ELL: variants seen among roughly 807,000 people sequenced by gnomAD.
ELL encodes the protein elongation factor for RNA polymerase II.
ELL carries 18 observed loss-of-function variants against 64.0 expected under a neutral mutation model. The observed-to-expected ratio is 0.28, with a 90% CI of 0.19 to 0.42. The LOEUF is 0.42. ELL is among the 10% of genes least tolerant of loss of function. The pLI is 1.00. For missense variants in ELL, 797 were observed against 870.4 expected (o/e 0.92, Z 1.06); for synonymous variants, 399 against 376.2 (o/e 1.06, Z -0.70).
At chr19:18,521,800 G>A (rs1976285743) in intron 1 of ELL, 121 bp downstream of exon 1, 4 of 1,370,542 alleles carry the variant, frequency 2.9e-6, no homozygotes, top group Non-Finnish European at 2.8e-6. Flanking sequence ...GCCGGCCCAG[G>A]GACCCGCGAG....
At chr19:18,462,370 CGGG>C (rs869305278) in intron 4 of ELL, among the ~76,000 whole-genome samples, 1 of 23,090 alleles carries the variant, frequency 4.3e-5, no homozygotes, top group Non-Finnish European at 7.2e-5. Flanking sequence ...TGTGTTTGGG[CGGG>C]GGGCGGGGGG....
At chr19:18,507,630 C>T (rs1203501067) in intron 1 of ELL, among the ~76,000 whole-genome samples, 1 of 152,234 alleles carries the variant, frequency 6.6e-6, no homozygotes, top group African/African-American at 2.4e-5. Flanking sequence ...CACCTCCCCG[C>T]TGCGAAGAAG....
chr19:18,442,864 C>G lies in ELL; in HGVS notation c.*1888G>C. 1 of 191,338 alleles carries G rather than the reference C, an allele frequency of 5.2e-6. No individual in the cohort carries two copies. The highest frequency in any genetic ancestry group is 9.5e-6 in the Non-Finnish European group (1 of 104,960). The allele number at this position is 191,338 out of a possible 1,614,324, so 11.9% of individuals were successfully genotyped here. A position where few individuals can be genotyped will look rare whatever the true frequency, so the allele number is the denominator to read the frequency against. On this transcript the variant is annotated 3_prime_UTR_variant, in exon 12 of 12. Transcript: ENST00000262809. ...CTCAAAATAGTTTTTCTCCACAGTA[C>G]AACATTAAAAGAAAAAAAAATAGTA...
chr19:18,466,338 G>A (rs1415791759), intron 2 of ELL, among the ~76,000 whole-genome samples: 3 of 152,224 alleles, frequency 2.0e-5, no homozygotes, highest in African/African-American at 7.2e-5. Context: ...TGCAACAAGA[G>A]GGGCTTGGGC....
intron 1 of ELL, among the ~76,000 whole-genome samples, chr19:18,500,945 C>T (rs1275978686): frequency 6.6e-6 from 1 of 152,096 alleles, no homozygotes. Flanking sequence ...GGCGGCTGCT[C>T]GCCAAATTCA....
chr19:18,450,580 C>T lies in ELL; in HGVS notation c.1362G>A (p.Lys454=), dbSNP rs750718383. The T allele has an allele frequency of 6.2e-7, 1 of 1,612,824 alleles. No individual in the cohort carries two copies. The highest frequency in any genetic ancestry group is 8.5e-7 in the Non-Finnish European group (1 of 1,179,808). ...CAGCCGCCCTCTCCTTGTCTTTGTG[C>T]TTCTTGGACTTCTTCTTGGGCTTGC... ...SRSKPKKKSK[K]HKDKERAAED... Residue 454 remains lysine (K), a synonymous_variant, in exon 8 of 12, where the codon AAG becomes AAA. Coordinates refer to ENST00000262809, the MANE Select transcript of ELL (RefSeq NM_006532.4).
intron 1 of ELL, among the ~76,000 whole-genome samples, chr19:18,475,174 C>G (rs188017699): frequency 1.3e-5 from 2 of 152,076 alleles, no homozygotes; most frequent in South Asian, 4.1e-4. Context: ...GAAAAAGAGA[C>G]CTATAGGGAC....
In ELL at chr19:18,444,345, G is replaced by A. The variant is rs1974363627; in HGVS notation, c.*407C>T. The A allele has an allele frequency of 4.1e-6, 1 of 243,252 alleles. No individual in the cohort carries two copies. Among genetic ancestry groups the A allele is most frequent in the Non-Finnish European group, 8.1e-6 (1 of 123,886 alleles). 15.1% of individuals were successfully genotyped at this position (243,252 alleles called of 1,614,324 possible). ...CCGAGGAGAGGGAGGCACAGGTTTA[G>A]AAAAAAGATTTTGCTTCTCTTTTGT... On this transcript the variant is annotated 3_prime_UTR_variant, in exon 12 of 12. Coordinates refer to ENST00000262809, the MANE Select transcript of ELL (RefSeq NM_006532.4).
At chr19:18,474,684 G>A (rs374712747) in intron 1 of ELL, among the ~76,000 whole-genome samples, 1 of 152,236 alleles carries the variant, frequency 6.6e-6, no homozygotes, top group Non-Finnish European at 1.5e-5. Flanking sequence ...CTGCGACAAG[G>A]GGGGCTCGTC....
intron 2 of ELL, among the ~76,000 whole-genome samples, chr19:18,466,158 G>T (rs760849394): frequency 1.3e-5 from 2 of 152,210 alleles, no homozygotes; most frequent in African/African-American, 4.8e-5. Flanking sequence ...GCCAGGGGCC[G>T]TTTTCAGCAG....
chr19:18,445,462 G>C (rs898821539), intron 10 of ELL, 194 bp from the exon 11 acceptor site: 7 of 592,282 alleles, frequency 1.2e-5, no homozygotes, highest in Non-Finnish European at 2.1e-5. Flanking sequence ...AAAGGCTGCC[G>C]GGTCCCCTGG....
At chr19:18,507,187 G>A (rs1975900128) in intron 1 of ELL, among the ~76,000 whole-genome samples, 1 of 152,228 alleles carries the variant, frequency 6.6e-6, no homozygotes, top group Non-Finnish European at 1.5e-5. Context: ...ACCAGGAGAG[G>A]AAGGAACACG....
At chr19:18,448,545 G>A (rs1433062719) in intron 8 of ELL, 1 of 152,304 alleles carries the variant, frequency 6.6e-6, no homozygotes, top group African/African-American at 2.4e-5. Flanking sequence ...GTCCGGGCCA[G>A]AAGGAAGTGA....
intron 1 of ELL, among the ~76,000 whole-genome samples, chr19:18,509,498 C>G (rs1975952383): frequency 6.6e-6 from 1 of 152,028 alleles, no homozygotes. Flanking sequence ...CCCACAGGCC[C>G]CCACTAATCA....
chr19:18,486,308 G>A (rs557638313), intron 1 of ELL, among the ~76,000 whole-genome samples: 1 of 152,298 alleles, frequency 6.6e-6, no homozygotes, highest in South Asian at 2.1e-4. Context: ...TGAGCACCTC[G>A]TCCTCAGGCC....
At chr19:18,509,615 A>G (rs865997728) in intron 1 of ELL, among the ~76,000 whole-genome samples, 5,995 of 110,286 alleles carry the variant, frequency 0.054, 499 homozygotes, top group African/African-American at 0.18. Context: ...ACACACACAC[A>G]CACACACACA....
intron 1 of ELL, among the ~76,000 whole-genome samples, chr19:18,514,171 T>C (rs781495336): frequency 2.6e-5 from 4 of 151,814 alleles, no homozygotes; most frequent in East Asian, 1.9e-4. Flanking sequence ...TCTGGGAGAA[T>C]AGTCTCCCTG....
chr19:18,474,523 C>A (rs1975136582), intron 1 of ELL, among the ~76,000 whole-genome samples: 1 of 152,246 alleles, frequency 6.6e-6, no homozygotes, highest in Non-Finnish European at 1.5e-5. Flanking sequence ...AAACACGCCA[C>A]CCCTCAACAA....
intron 4 of ELL, 91 bp from the exon 5 acceptor site, chr19:18,461,943 T>C: frequency 1.3e-6 from 2 of 1,489,248 alleles, no homozygotes; most frequent in South Asian, 2.5e-5. Context: ...GGTTTGAGAC[T>C]ATAGACAGTG....
Sources: gnomAD v4.1 joint callset for allele counts (sites outside exome capture counted in the v4.1 genomes callset) on GRCh38, gnomAD v4.1.1 for gene constraint, MANE v1.5 for transcripts, NCBI Gene and HGNC (gene_info 2026-07-23, HGNC 2026-07-21) for gene names.